BAZ2B: variants seen among roughly 807,000 people sequenced by gnomAD.
The protein encoded by BAZ2B is bromodomain adjacent to zinc finger domain protein 2B.
A neutral mutation model predicts 246.0 loss-of-function variants in BAZ2B; 91 were observed. That is an observed-to-expected ratio of 0.37 (90% CI 0.31 to 0.44). The LOEUF is 0.44. Among genes scored for constraint, BAZ2B ranks in the 20% least tolerant of loss-of-function variants. The probability of loss-of-function intolerance (pLI) is 1.00; values close to 1 mark genes in which losing one functional copy is unlikely to be tolerated. For synonymous variants in BAZ2B, 855 were observed against 860.0 expected (o/e 0.99, Z 0.10); for missense variants, 2,332 against 2,533.7 (o/e 0.92, Z 1.71).
intron 6 of BAZ2B, among the ~76,000 whole-genome samples, chr2:159,440,514 C>CTGTTTT (rs1234904617): frequency 4.9e-5 from 3 of 61,414 alleles, no homozygotes. Flanking sequence ...TGCAATGACT[C>CTGTTTT]TTGTTTTTTT....
chr2:159,674,381 GAAGAAAAGAA>G, the BAZ2B span, among the ~76,000 whole-genome samples: 1 of 138,884 alleles, frequency 7.2e-6, no homozygotes, highest in African/African-American at 2.6e-5. Context: ...GAAGGGAAGG[GAAGAAAAGAA>G]AAGAAAAGAG....
chr2:159,478,752 A>G (rs2078916885), intron 2 of BAZ2B, 31 bp from the exon 3 acceptor site: 1 of 1,404,090 alleles, frequency 7.1e-7, no homozygotes, highest in Non-Finnish European at 9.3e-7. Flanking sequence ...AATTCTCAGT[A>G]TCAGATAAAA....
intron 2 of BAZ2B, among the ~76,000 whole-genome samples, chr2:159,519,624 T>TA (rs1437374512): frequency 6.7e-6 from 1 of 148,802 alleles, no homozygotes; most frequent in Non-Finnish European, 1.5e-5. Context: ...AGGCAAAAGA[T>TA]AAAACATTGG....
At chr2:159,589,960 G>T (rs1167219767) in intron 1 of BAZ2B, among the ~76,000 whole-genome samples, 2 of 152,004 alleles carry the variant, frequency 1.3e-5, no homozygotes, top group African/African-American at 4.8e-5. Flanking sequence ...GCCGAGGCAG[G>T]CAGATCATTT....
At chr2:159,354,015 A>C (rs2058827781) in intron 27 of BAZ2B, among the ~76,000 whole-genome samples, 1 of 152,210 alleles carries the variant, frequency 6.6e-6, no homozygotes. Context: ...AGAAAAAAAA[A>C]CAAGACATAT....
At chr2:159,399,379 T>C (rs1169113925) in intron 17 of BAZ2B, among the ~76,000 whole-genome samples, 3 of 152,090 alleles carry the variant, frequency 2.0e-5, no homozygotes, top group Admixed American at 2.0e-4. Context: ...TACTTGAAAA[T>C]TTGAGATAAA....
At chr2:159,582,288 AGCAGG>A (rs1687014915) in intron 1 of BAZ2B, among the ~76,000 whole-genome samples, 1 of 152,252 alleles carries the variant, frequency 6.6e-6, no homozygotes, top group East Asian at 1.9e-4. Context: ...AACTGCCATC[AGCAGG>A]GCCAAAGGGA....
chr2:159,600,282 T>C (rs982047202), intron 1 of BAZ2B, among the ~76,000 whole-genome samples: 1 of 152,270 alleles, frequency 6.6e-6, no homozygotes, highest in East Asian at 1.9e-4. Context: ...TTAAGATAAT[T>C]ATTGTATGAT....
the BAZ2B span, among the ~76,000 whole-genome samples, chr2:159,710,552 C>T: frequency 6.6e-6 from 1 of 152,184 alleles, no homozygotes; most frequent in Non-Finnish European, 1.5e-5. Context: ...TTATTTATCA[C>T]TCATGATAAT....
chr2:159,518,590 C>T (rs1188717264), intron 2 of BAZ2B, among the ~76,000 whole-genome samples: 2 of 152,160 alleles, frequency 1.3e-5, no homozygotes, highest in South Asian at 4.1e-4. Flanking sequence ...GCTTGCTTGC[C>T]TTCTGCTACA....
the BAZ2B span, among the ~76,000 whole-genome samples, chr2:159,699,374 CT>C: frequency 1.3e-5 from 2 of 151,938 alleles, no homozygotes; most frequent in Non-Finnish European, 2.9e-5. Context: ...GAGACCCCAC[CT>C]TTTTTAAAAA....
At chr2:159,589,438 C>T (rs1238848903) in intron 1 of BAZ2B, among the ~76,000 whole-genome samples, 2 of 151,556 alleles carry the variant, frequency 1.3e-5, no homozygotes, top group African/African-American at 4.8e-5. Flanking sequence ...AATGCCAAAG[C>T]TGATGCTTTT....
At chr2:159,564,613 T>A (rs2090185707) in intron 1 of BAZ2B, among the ~76,000 whole-genome samples, 1 of 152,074 alleles carries the variant, frequency 6.6e-6, no homozygotes, top group Admixed American at 6.6e-5. Context: ...AAAAACAGAA[T>A]AATTAAGGAT....
intron 27 of BAZ2B, among the ~76,000 whole-genome samples, chr2:159,358,401 A>C (rs2059344422): frequency 6.6e-6 from 1 of 152,264 alleles, no homozygotes; most frequent in African/African-American, 2.4e-5. Flanking sequence ...TCAACACAAC[A>C]AGAAGAGCTA....
Position 159,319,406 on chromosome 2 carries a change from C to T in BAZ2B, c.*859G>A, listed in dbSNP as rs899559497. 3.3e-5 allele frequency: 5 copies of T among 152,526 alleles called. No individual in the cohort carries two copies. The East Asian group carries it at 5.8e-4, about 18-fold the overall frequency. 9.4% of individuals were successfully genotyped at this position (152,526 alleles called of 1,614,324 possible). A position where few individuals can be genotyped will look rare whatever the true frequency, so the allele number is the denominator to read the frequency against. On this transcript the variant is annotated 3_prime_UTR_variant, in exon 37 of 37. Transcript: ENST00000392783. The surrounding 1 kb of genome is among the most constrained non-coding windows in gnomAD (Gnocchi z 4.0). ...GCAGGCACTACCAAGATTAAGGAGA[C>T]GCCACAGTGTTGGTAGAGGATAATT...
chr2:159,385,189 T>A lies in BAZ2B; in HGVS notation c.3652A>T (p.Ile1218Phe). Reference sequence around the variant, plus strand: ...CTCTTGCTGCATGCCAGTTCATTGATCAGGAAAGCCAGGACTGAAGCTTTC... The same window carrying A: ...CTCTTGCTGCATGCCAGTTCATTGAACAGGAAAGCCAGGACTGAAGCTTTC... ...AQKASVLAFL[I>F]NELACSKSVV... Residue 1218 changes from isoleucine (I) to phenylalanine (F), a missense_variant, in exon 23 of 37, where the codon ATC becomes TTC. By Grantham distance (21) the Ile-to-Phe change is conservative. Around this residue, in one of 9 missense-constraint regions of BAZ2B, gnomAD observed 328 missense variants for 410.4 expected, o/e 0.80. Coordinates refer to ENST00000392783, the MANE Select transcript of BAZ2B (RefSeq NM_013450.4). The A allele has an allele frequency of 6.2e-7, 1 of 1,613,576 alleles. No individual in the cohort carries two copies. The highest frequency in any genetic ancestry group is 8.5e-7 in the Non-Finnish European group (1 of 1,179,638).
At chr2:159,370,698 T>A (rs1055817666) in intron 27 of BAZ2B, among the ~76,000 whole-genome samples, 12 of 151,722 alleles carry the variant, frequency 7.9e-5, no homozygotes, top group African/African-American at 2.9e-4. Context: ...AAATGACCCA[T>A]ACTTTTGTCA....
chr2:159,613,993 CTTT>C (rs966037712), intron 1 of BAZ2B, among the ~76,000 whole-genome samples: 5 of 152,112 alleles, frequency 3.3e-5, no homozygotes, highest in African/African-American at 9.7e-5. Flanking sequence ...TTTCTATTAG[CTTT>C]TTTTAAGTTA....
chr2:159,353,711 G>A (rs973280660), intron 27 of BAZ2B, among the ~76,000 whole-genome samples: 9 of 152,268 alleles, frequency 5.9e-5, no homozygotes, highest in Admixed American at 2.0e-4. Context: ...AATAGTTCCC[G>A]TTCCTACCCA....
Sources: gnomAD v4.1 joint callset for allele counts (sites outside exome capture counted in the v4.1 genomes callset) on GRCh38, gnomAD v4.1.1 for gene constraint, gnomAD v4.1.1 regional missense constraint, Gnocchi (gnomAD v3.1) non-coding constraint, MANE v1.5 for transcripts, NCBI Gene and HGNC (gene_info 2026-07-23, HGNC 2026-07-21) for gene names.